The following PRPF18 variants were observed in gnomAD, a reference collection of about 807,000 sequenced individuals.
PRPF18 encodes the protein pre-mRNA processing factor 18, also known as pre-mRNA-splicing factor 18.
Under a neutral mutation model 46.5 loss-of-function variants are expected in PRPF18, and 38 were observed. The observed-to-expected ratio is 0.82, with a 90% confidence interval of 0.63 to 1.07. PRPF18 has a LOEUF of 1.07. PRPF18 is among the 50% of genes least tolerant of loss of function. The pLI is 0.00. For missense variants in PRPF18, 263 were observed against 410.0 expected, an observed-to-expected ratio of 0.64 and a Z score of 3.10; for synonymous variants, 152 against 146.7, an observed-to-expected ratio of 1.04 and a Z score of -0.26.
downstream of PRPF18, among the ~76,000 whole-genome samples, chr10:13,635,554 ATC>A (rs2080629964): frequency 6.6e-6 from 1 of 152,164 alleles, no homozygotes; most frequent in Admixed American, 6.5e-5. Flanking sequence ...CCTCACCAGC[ATC>A]TGTTATTTTT....
intron 1 of PRPF18, among the ~76,000 whole-genome samples, chr10:13,589,895 T>C (rs948653426): frequency 6.6e-6 from 1 of 152,202 alleles, no homozygotes; most frequent in Non-Finnish European, 1.5e-5. Context: ...TGTAAATGTT[T>C]TTATGTCTAC....
intron 9 of PRPF18, among the ~76,000 whole-genome samples, chr10:13,625,659 C>T (rs1452195161): frequency 1.3e-5 from 2 of 152,168 alleles, no homozygotes; most frequent in East Asian, 1.9e-4. Context: ...GAAGAGTTCA[C>T]ATCAAGGCAC....
At chr10:13,649,440 C>A in the PRPF18 span, 1 of 126,782 alleles carries the variant, frequency 7.9e-6, no homozygotes, top group African/African-American at 2.7e-5. Context: ...TCGGGAGGAT[C>A]TGGATGATGG....
At chr10:13,622,215 T>A (rs1564462123) in intron 9 of PRPF18, among the ~76,000 whole-genome samples, 1 of 152,032 alleles carries the variant, frequency 6.6e-6, no homozygotes, top group Non-Finnish European at 1.5e-5. Flanking sequence ...CCCTTAATCT[T>A]CCTGGCATAT....
At chr10:13,600,004 C>A (rs1006521593) in intron 2 of PRPF18, among the ~76,000 whole-genome samples, 7 of 152,180 alleles carry the variant, frequency 4.6e-5, no homozygotes, top group Admixed American at 4.6e-4. Flanking sequence ...TCGTGTCACT[C>A]TTTTATAGCA....
At position 13,587,171 on chromosome 10, in the gene PRPF18, TG is replaced by T; in HGVS notation, c.66+24del. 6.2e-7 allele frequency: 1 copy of T among 1,606,644 alleles called. No individual in the cohort carries two copies. The highest frequency in any genetic ancestry group is 8.5e-7 in the Non-Finnish European group (1 of 1,173,680). On this transcript the variant is annotated intron_variant, in intron 1 of 9. Transcript: ENST00000378572. ...GCTGGTGGTGAGGACCCTGCGGTCGTGGGGGTCGGGATGTAAGAGTGAGAGT... is the reference window on the plus strand; with the variant it reads ...GCTGGTGGTGAGGACCCTGCGGTCGTGGGGTCGGGATGTAAGAGTGAGAGT...
chr10:13,587,525 C>T (rs1192238719), intron 1 of PRPF18, among the ~76,000 whole-genome samples: 4 of 152,246 alleles, frequency 2.6e-5, no homozygotes, highest in Non-Finnish European at 5.9e-5. Context: ...CTGCGGCTCT[C>T]CCCGCATCCC....
At chr10:13,647,639 T>C in the PRPF18 span, 19 of 152,192 alleles carry the variant, frequency 1.2e-4, no homozygotes, top group Admixed American at 2.0e-4. Flanking sequence ...AAATCAATGA[T>C]GACTTTGCTT....
intron 1 of PRPF18, among the ~76,000 whole-genome samples, chr10:13,596,580 C>T (rs1222048021): frequency 6.6e-6 from 1 of 152,150 alleles, no homozygotes; most frequent in Non-Finnish European, 1.5e-5. Context: ...ACAAAGCCAT[C>T]TTTGGAATAA....
chr10:13,595,929 T>C (rs1290118241), intron 1 of PRPF18, among the ~76,000 whole-genome samples: 1 of 152,224 alleles, frequency 6.6e-6, no homozygotes, highest in Non-Finnish European at 1.5e-5. Flanking sequence ...AATGACATGT[T>C]CCTTTAAAAC....
chr10:13,613,366 A>G (rs771947275), intron 6 of PRPF18, among the ~76,000 whole-genome samples: 1 of 152,218 alleles, frequency 6.6e-6, no homozygotes, highest in Non-Finnish European at 1.5e-5. Flanking sequence ...TCTCTACAGC[A>G]TATGTAGAAA....
chr10:13,635,694 TC>T (rs1176031008), downstream of PRPF18, among the ~76,000 whole-genome samples: 4 of 152,248 alleles, frequency 2.6e-5, no homozygotes, highest in African/African-American at 9.6e-5. Context: ...ATGTATGTCT[TC>T]TTTTGTGAAG....
Position 13,613,642 on chromosome 10 carries a change from T to C in PRPF18, c.580-99T>C, listed in dbSNP as rs2080302109. The C allele has an allele frequency of 4.0e-6, 5 of 1,262,900 alleles. No individual in the cohort carries two copies. In the East Asian group the frequency reaches 1.2e-4, roughly 30 times the overall value. The allele number at this position is 1,262,900 out of a possible 1,614,324, so 78.2% of individuals were successfully genotyped here. ...GGCATTTTAATCAAGACATTTACTT[T>C]AAGGATGATTGTATTCTGTTTTTGT... is the stretch of plus-strand genomic sequence containing the variant. On this transcript the variant is annotated intron_variant, in intron 6 of 9. Transcript: ENST00000378572.
rs770223458 is a variant in PRPF18, at chr10:13,611,642, G to A, written c.538G>A (p.Asp180Asn). 13 of 1,613,866 alleles carry A rather than the reference G, an allele frequency of 8.1e-6. No homozygotes were observed. The highest frequency in any genetic ancestry group is 3.3e-5 in the Admixed American group (2 of 59,960). The change falls in exon 6 of 10, where the codon GAT (aspartate) becomes AAT (asparagine). Residue 180 changes from aspartate to asparagine, a missense_variant. Physicochemically the swap from Asp to Asn is conservative, Grantham distance 23. This residue lies in a region of PRPF18 where 155 missense variants were observed against 245.1 expected (regional missense o/e 0.63). Transcript: ENST00000378572. ...EALGESLGKG[D>N]DHKDMDIITK... ...GCTTGGAGAGTCCTTAGGGAAAGGCGATGATCATAAAGACATGGACATCAT... is the reference window on the plus strand; with the variant it reads ...GCTTGGAGAGTCCTTAGGGAAAGGCAATGATCATAAAGACATGGACATCAT...
rs78527547 is a variant in PRPF18, at chr10:13,593,463, C to G, written c.67-3995C>G. Among the ~76,000 whole-genome samples, 9 of 152,296 alleles carry G rather than the reference C, an allele frequency of 5.9e-5. 1 individual carries two copies. The South Asian group carries it at 1.9e-3, about 32-fold the overall frequency. ...TTCAGTGAAACAGAATGGATGTCCACATGCTGTGGGGCTGCAAAGAGAATT... is the reference window on the plus strand; with the variant it reads ...TTCAGTGAAACAGAATGGATGTCCAGATGCTGTGGGGCTGCAAAGAGAATT... On this transcript the variant is annotated intron_variant, in intron 1 of 9. Coordinates refer to ENST00000378572, the MANE Select transcript of PRPF18 (RefSeq NM_003675.4).
At chr10:13,591,631 C>G (rs1349615789) in intron 1 of PRPF18, 2 of 625,170 alleles carry the variant, frequency 3.2e-6, no homozygotes, top group Non-Finnish European at 5.9e-6. Context: ...TGCTGAAGAT[C>G]TCAGCTTCCT....
At chr10:13,623,639 A>G (rs1482507835) in intron 9 of PRPF18, among the ~76,000 whole-genome samples, 1 of 152,186 alleles carries the variant, frequency 6.6e-6, no homozygotes, top group African/African-American at 2.4e-5. Flanking sequence ...ATCTTCCTCA[A>G]GTTCTAATGA....
At chr10:13,614,840 C>G (rs2080318565) in intron 8 of PRPF18, among the ~76,000 whole-genome samples, 1 of 152,220 alleles carries the variant, frequency 6.6e-6, no homozygotes, top group South Asian at 2.1e-4. Context: ...AGGGAGGCTT[C>G]TTGTGGCCGT....
the PRPF18 span, chr10:13,653,762 T>C: frequency 6.5e-6 from 1 of 152,846 alleles, no homozygotes; most frequent in South Asian, 2.1e-4. Context: ...GCCAGGCGGG[T>C]TACCTGTGTC....
Sources: gnomAD v4.1 joint callset for allele counts (sites outside exome capture counted in the v4.1 genomes callset) on GRCh38, gnomAD v4.1.1 for gene constraint, gnomAD v4.1.1 regional missense constraint, MANE v1.5 for transcripts, NCBI Gene and HGNC (gene_info 2026-07-23, HGNC 2026-07-21) for gene names.